Variants in FOCAD observed in about 807,000 individuals in gnomAD.
FOCAD encodes focadhesin, also known as KIAA1797.
In FOCAD, 198 loss-of-function variants were observed where a neutral mutation model predicts 225.6. That is an observed-to-expected ratio of 0.88 (90% CI 0.78 to 0.99). FOCAD has a LOEUF of 0.99. FOCAD is among the 50% of genes least tolerant of loss of function. FOCAD has a pLI of 0.00. For synonymous variants in FOCAD, 897 were observed against 755.0 expected (o/e 1.19, Z -3.08); for missense variants, 2,713 against 2,123.6 (o/e 1.28, Z -5.46).
Position 20,865,953 on chromosome 9 carries a change from C to T in FOCAD, c.2083C>T (p.Leu695Phe). The change falls in exon 17 of 44, where the codon CTC becomes TTC. Residue 695 changes from leucine (L) to phenylalanine (F), a missense_variant. Coordinates refer to ENST00000338382, the MANE Select transcript of FOCAD (RefSeq NM_001375567.1). ...TTTTAAAGTTCAAGTCCTCAGCTTC[C>T]TCTGGACTCATACTCAAAACAAGGT... ...ENFKVQVLSF[L>F]WTHTQNKDPI... 1 of 1,608,628 alleles carries T rather than the reference C, an allele frequency of 6.2e-7. No individual in the cohort carries two copies. The highest frequency in any genetic ancestry group is 8.5e-7 in the Non-Finnish European group (1 of 1,177,500).
At chr9:20,691,254 C>CT (rs1157464833) in intron 1 of FOCAD, among the ~76,000 whole-genome samples, 1 of 151,922 alleles carries the variant, frequency 6.6e-6, no homozygotes, top group Admixed American at 6.6e-5. Context: ...ATCTCTGCTT[C>CT]TTAAAGCACT....
At chr9:20,911,810 T>C (rs756634709) in intron 22 of FOCAD, among the ~76,000 whole-genome samples, 5 of 152,108 alleles carry the variant, frequency 3.3e-5, no homozygotes, top group Non-Finnish European at 5.9e-5. Flanking sequence ...CTTTTCTAAG[T>C]ATGGAGAGAT....
chr9:20,913,185 C>CAT, intron 23 of FOCAD, among the ~76,000 whole-genome samples: 1 of 150,934 alleles, frequency 6.6e-6, no homozygotes, highest in East Asian at 2.0e-4. Flanking sequence ...CACACACACA[C>CAT]ACACGTTCTA....
chr9:20,843,239 A>G (rs950659732), intron 15 of FOCAD, among the ~76,000 whole-genome samples: 2 of 152,030 alleles, frequency 1.3e-5, no homozygotes. Flanking sequence ...GCTCTCTAAC[A>G]TCCTTTTCTT....
chr9:20,695,364 A>G (rs1823277125), intron 1 of FOCAD, among the ~76,000 whole-genome samples: 1 of 152,176 alleles, frequency 6.6e-6, no homozygotes, highest in Non-Finnish European at 1.5e-5. Context: ...TCTTCCTTTA[A>G]CTTAATATTT....
At chr9:20,765,795 A>G (rs145721548) in intron 7 of FOCAD, among the ~76,000 whole-genome samples, 1,996 of 152,292 alleles carry the variant, frequency 0.013, 16 homozygotes, top group Non-Finnish European at 0.021. Flanking sequence ...TTATCAGTCC[A>G]TCTCTTCCCA....
At chr9:20,732,067 C>G (rs1826761000) in intron 4 of FOCAD, among the ~76,000 whole-genome samples, 1 of 152,004 alleles carries the variant, frequency 6.6e-6, no homozygotes, top group African/African-American at 2.4e-5. Flanking sequence ...GGTATTAAGC[C>G]CAGCATGCAT....
intron 28 of FOCAD, among the ~76,000 whole-genome samples, chr9:20,936,580 G>A (rs1564175402): frequency 6.6e-6 from 1 of 152,112 alleles, no homozygotes; most frequent in Non-Finnish European, 1.5e-5. Flanking sequence ...TGTAATCCCA[G>A]GACTTTGGGA....
chr9:20,813,212 A>G (rs973202629), intron 11 of FOCAD, among the ~76,000 whole-genome samples: 14 of 152,160 alleles, frequency 9.2e-5, no homozygotes, highest in Admixed American at 8.5e-4. Flanking sequence ...TAAAGACTAA[A>G]TAATATTCCA....
intron 15 of FOCAD, among the ~76,000 whole-genome samples, chr9:20,840,327 C>T (rs999502437): frequency 6.6e-6 from 1 of 151,162 alleles, no homozygotes; most frequent in Admixed American, 6.6e-5. Flanking sequence ...TGTGTGTGTC[C>T]TCTTCAGTTT....
intron 34 of FOCAD, among the ~76,000 whole-genome samples, chr9:20,952,738 A>AT (rs935000605): frequency 6.6e-6 from 1 of 151,618 alleles, no homozygotes; most frequent in African/African-American, 2.4e-5. Flanking sequence ...ATCCTCCGTA[A>AT]TTTTTTTTCC....
At chr9:20,874,574 G>A in intron 18 of FOCAD, 107 bp from the exon 19 acceptor site, 2 of 1,122,014 alleles carry the variant, frequency 1.8e-6, no homozygotes, top group Non-Finnish European at 2.5e-6. Flanking sequence ...ATAGAGTGAT[G>A]GAGTCTAACA....
intron 11 of FOCAD, among the ~76,000 whole-genome samples, chr9:20,812,261 A>G (rs1415566194): frequency 6.6e-6 from 1 of 152,032 alleles, no homozygotes; most frequent in Non-Finnish European, 1.5e-5. Flanking sequence ...TATTTATACT[A>G]ATTTATTACT....
At chr9:20,765,324 A>T (rs562790906) in intron 7 of FOCAD, among the ~76,000 whole-genome samples, 1 of 152,350 alleles carries the variant, frequency 6.6e-6, no homozygotes, top group South Asian at 2.1e-4. Flanking sequence ...AATAGCAAGC[A>T]TGAAAACTTT....
At chr9:20,964,352 C>A (rs981919404) in intron 35 of FOCAD, among the ~76,000 whole-genome samples, 1 of 152,034 alleles carries the variant, frequency 6.6e-6, no homozygotes, top group Non-Finnish European at 1.5e-5. Flanking sequence ...CAAGATAGTG[C>A]TACTGCACTT....
intron 2 of FOCAD, among the ~76,000 whole-genome samples, chr9:20,676,677 A>G (rs1822247401): frequency 6.6e-6 from 1 of 152,214 alleles, no homozygotes; most frequent in Admixed American, 6.5e-5. Context: ...TAAAGTTCCA[A>G]TAGCATTTTT....
In FOCAD at chr9:20,663,104, G is replaced by T. The variant is rs1180493967; in HGVS notation, c.-78+4278G>T. ...GTGGCTATGTTTGCAAATTAAATTAGGCTGGGTGTGATAGCTTCATGCCTG... is the reference window on the plus strand; with the variant it reads ...GTGGCTATGTTTGCAAATTAAATTATGCTGGGTGTGATAGCTTCATGCCTG... On this transcript the variant is annotated intron_variant, in intron 2 of 45. Transcript: ENST00000380249. Among the ~76,000 whole-genome samples the T allele has an allele frequency of 2.0e-5, 3 of 152,040 alleles. No homozygotes were observed. In the South Asian group the frequency reaches 6.2e-4, roughly 32 times the overall value.
intron 4 of FOCAD, among the ~76,000 whole-genome samples, chr9:20,725,600 A>G (rs974779225): frequency 5.9e-5 from 9 of 152,210 alleles, no homozygotes; most frequent in Admixed American, 3.9e-4. Context: ...CCAGCCTTAT[A>G]ACTTGCTCCT....
chr9:20,743,368 G>T (rs1827784232), intron 5 of FOCAD, among the ~76,000 whole-genome samples: 1 of 152,248 alleles, frequency 6.6e-6, no homozygotes, highest in African/African-American at 2.4e-5. Flanking sequence ...TATTCAGCTG[G>T]GGCTTAAGTA....
Sources: allele counts gnomAD v4.1 joint callset (sites outside exome capture counted in the v4.1 genomes callset), GRCh38; gene constraint gnomAD v4.1.1; transcripts MANE v1.5; gene names NCBI Gene and HGNC (gene_info 2026-07-23, HGNC 2026-07-21).